The following DPP10 variants were observed in gnomAD, a reference collection of about 807,000 sequenced individuals.
The protein encoded by DPP10 is inactive dipeptidyl peptidase 10.
A neutral mutation model predicts 120.9 loss-of-function variants in DPP10; 33 were observed. The ratio of observed to expected loss-of-function variants is 0.27; its 90% confidence interval spans 0.21 to 0.37. DPP10 has a LOEUF of 0.37. Among genes scored for constraint, DPP10 ranks in the 10% least tolerant of loss-of-function variants. The pLI is 1.00. For synonymous variants in DPP10, 337 were observed against 326.1 expected (o/e 1.03, Z -0.36); for missense variants, 816 against 942.8 (o/e 0.87, Z 1.76).
chr2:114,455,476 C>T (rs1353792132), intron 1 of DPP10, among the ~76,000 whole-genome samples: 3 of 150,216 alleles, frequency 2.0e-5, no homozygotes, highest in East Asian at 3.9e-4. Flanking sequence ...ACCTGGGATG[C>T]GGAGGTGGCA....
At position 115,284,518 on chromosome 2, in the gene DPP10, A is replaced by T. The variant is rs1178389982; in HGVS notation, c.61-24721A>T. Among the ~76,000 whole-genome samples, 3 of 152,044 alleles carry T rather than the reference A, an allele frequency of 2.0e-5. No individual in the cohort carries two copies. In the East Asian group the frequency reaches 5.8e-4, roughly 29 times the overall value. On this transcript the variant is annotated intron_variant, in intron 1 of 25. Transcript: ENST00000410059. ...CTTTTAATTAACTGCACAAAATATT[A>T]TCTGTAATGAATAGATATGTTAACA...
chr2:114,531,147 ATTTACTG>A (rs1685942887), intron 1 of DPP10, among the ~76,000 whole-genome samples: 2 of 152,076 alleles, frequency 1.3e-5, no homozygotes, highest in African/African-American at 4.8e-5. Context: ...AAGCCATTCC[ATTTACTG>A]AGCACCTCTT....
intron 1 of DPP10, among the ~76,000 whole-genome samples, chr2:114,851,894 C>G (rs1688970033): frequency 6.6e-6 from 1 of 152,112 alleles, no homozygotes; most frequent in Non-Finnish European, 1.5e-5. Flanking sequence ...TCTCCCATTT[C>G]TAATTCATTA....
intron 7 of DPP10, among the ~76,000 whole-genome samples, chr2:115,713,507 T>G (rs1427440002): frequency 6.6e-6 from 1 of 152,186 alleles, no homozygotes; most frequent in Admixed American, 6.5e-5. Context: ...ATGAAAGATT[T>G]ATGTGATATT....
At chr2:115,002,279 A>G (rs1701495036) in intron 1 of DPP10, among the ~76,000 whole-genome samples, 1 of 152,154 alleles carries the variant, frequency 6.6e-6, no homozygotes, top group African/African-American at 2.4e-5. Flanking sequence ...GGGAAGGGAC[A>G]CCATATTCAA....
At chr2:114,485,022 A>G (rs1681382234) in intron 1 of DPP10, among the ~76,000 whole-genome samples, 1 of 152,112 alleles carries the variant, frequency 6.6e-6, no homozygotes, top group Non-Finnish European at 1.5e-5. Context: ...ACTAGCACAA[A>G]CTGAGGAGAG....
intron 3 of DPP10, among the ~76,000 whole-genome samples, chr2:115,471,827 C>A (rs2074744417): frequency 6.6e-6 from 1 of 151,666 alleles, no homozygotes; most frequent in Non-Finnish European, 1.5e-5. Context: ...ACGCTGTTGC[C>A]CAGACTGGTC....
intron 1 of DPP10, among the ~76,000 whole-genome samples, chr2:114,540,741 A>G (rs1013171382): frequency 4.6e-5 from 7 of 152,212 alleles, no homozygotes; most frequent in Admixed American, 4.6e-4. Flanking sequence ...GTCTAAACTG[A>G]GAGAGTTCAT....
chr2:114,775,933 C>A (rs1479459161), intron 1 of DPP10, among the ~76,000 whole-genome samples: 1 of 152,104 alleles, frequency 6.6e-6, no homozygotes, highest in Non-Finnish European at 1.5e-5. Flanking sequence ...AACAAATATA[C>A]TTACAATGTT....
At position 115,746,682 on chromosome 2, in the gene DPP10, G is replaced by A. The variant is rs1678022421; in HGVS notation, c.950+499G>A. Among the ~76,000 whole-genome samples, 4 of 151,998 alleles carry A rather than the reference G, an allele frequency of 2.6e-5. No homozygotes were observed. The South Asian group carries it at 8.3e-4, about 32-fold the overall frequency. The stretch of plus-strand genomic sequence containing the variant: ...ACTTATATTTAAGAAACTTGATCAG[G>A]GAGAAAGTAAACACATTTTATTGGG... On this transcript the variant is annotated intron_variant, in intron 10 of 25. Transcript: ENST00000410059.
At chr2:115,176,676 G>A (rs1019552080) in intron 1 of DPP10, among the ~76,000 whole-genome samples, 10 of 152,152 alleles carry the variant, frequency 6.6e-5, no homozygotes, top group Admixed American at 5.9e-4. Flanking sequence ...TAGTAGTAAT[G>A]CTCACTAGAA....
At chr2:115,251,052 G>T (rs2058729771) in intron 1 of DPP10, among the ~76,000 whole-genome samples, 1 of 152,174 alleles carries the variant, frequency 6.6e-6, no homozygotes, top group South Asian at 2.1e-4. Flanking sequence ...TGCCACTTCT[G>T]TTACTGTGGG....
In DPP10 at chr2:115,780,895, G is replaced by T. The variant is rs779857708; in HGVS notation, c.1383G>T (p.Leu461Phe). 3.7e-6 allele frequency: 6 copies of T among 1,602,332 alleles called. No individual in the cohort carries two copies. The highest frequency in any genetic ancestry group is 1.1e-5 in the South Asian group (1 of 89,272). The change falls in exon 16 of 26, where the codon TTG (leucine) becomes TTT (phenylalanine). Residue 461 changes from leucine (L) to phenylalanine (F), a missense_variant. By Grantham distance (22) the Leu-to-Phe change is conservative (BLOSUM62 0). Coordinates refer to ENST00000410059, the MANE Select transcript of DPP10 (RefSeq NM_020868.6). The stretch of plus-strand genomic sequence containing the variant: ...CCAGTGCTTCTACTGAAGGATTATT[G>T]AATCGCCAATGCATTTCATGTAATT... ...QLYSASTEGLLNRQCISCNFM... is the reference protein window; with the variant it reads ...QLYSASTEGLFNRQCISCNFM...
intron 5 of DPP10, among the ~76,000 whole-genome samples, chr2:115,634,768 A>G (rs1190981362): frequency 1.3e-5 from 2 of 152,170 alleles, no homozygotes; most frequent in Admixed American, 1.3e-4. Context: ...GCTGGGAGGA[A>G]TCCCACTTGT....
At chr2:115,766,683 A>G (rs1049927026) in intron 12 of DPP10, among the ~76,000 whole-genome samples, 5 of 152,138 alleles carry the variant, frequency 3.3e-5, no homozygotes, top group Non-Finnish European at 7.3e-5. Flanking sequence ...ACAGTACTGC[A>G]GGCTGTACAG....
intron 1 of DPP10, among the ~76,000 whole-genome samples, chr2:115,033,641 C>T (rs1311551094): frequency 6.6e-6 from 1 of 151,020 alleles, no homozygotes; most frequent in Middle Eastern, 3.2e-3. Context: ...TTTCAGTTCA[C>T]ATTCTACTCT....
chr2:114,866,053 A>G (rs1202924990), intron 1 of DPP10, among the ~76,000 whole-genome samples: 1 of 152,006 alleles, frequency 6.6e-6, no homozygotes, highest in Non-Finnish European at 1.5e-5. Flanking sequence ...CGGAGGTTGC[A>G]GTGAGCTGAG....
chr2:115,777,280 G>A lies in DPP10; in HGVS notation c.1294G>A (p.Asp432Asn), dbSNP rs537818684. The part of the protein sequence containing the change: ...NWEVIKILAY[D>N]ETTQKIYFLS... ...GGAAGTGATAAAGATCTTGGCATAC[G>A]ATGAAACTACTCAAAAAATGTGAGT... Residue 432 changes from aspartate (D) to asparagine (N), a missense_variant, in exon 14 of 26, where the codon GAT (aspartate) becomes AAT (asparagine). Physicochemically the swap from Asp to Asn is conservative, Grantham distance 23 (BLOSUM62 1). Around this residue, in one of 3 missense-constraint regions of DPP10, gnomAD observed 592 missense variants for 649.0 expected, o/e 0.91. Transcript: ENST00000410059. 6.7e-5 allele frequency: 108 copies of A among 1,612,880 alleles called. No homozygotes were observed. The highest frequency in any genetic ancestry group is 3.3e-4 in the Admixed American group (20 of 59,892).
At chr2:115,820,432 T>C (rs1313894221) in intron 21 of DPP10, among the ~76,000 whole-genome samples, 2 of 145,308 alleles carry the variant, frequency 1.4e-5, no homozygotes, top group Non-Finnish European at 3.0e-5. Flanking sequence ...TTTTTTTTTC[T>C]TTTTTTTTTT....
Sources: allele counts gnomAD v4.1 joint callset (sites outside exome capture counted in the v4.1 genomes callset), GRCh38; gene constraint gnomAD v4.1.1; regional missense constraint gnomAD v4.1.1; transcripts MANE v1.5; gene names NCBI Gene and HGNC (gene_info 2026-07-23, HGNC 2026-07-21).